The following SERGEF variants were observed in gnomAD, a reference collection of about 807,000 sequenced individuals.
SERGEF encodes the protein secretion regulating guanine nucleotide exchange factor, also known as secretion-regulating guanine nucleotide exchange factor.
Under a neutral mutation model 50.0 loss-of-function variants are expected in SERGEF, and 51 were observed. That is an observed-to-expected ratio of 1.02 (90% CI 0.81 to 1.29). SERGEF has a LOEUF of 1.29. SERGEF is among the 50% of genes most tolerant of loss of function. SERGEF has a pLI of 0.00. For missense variants in SERGEF, 521 were observed against 557.0 expected (o/e 0.94, Z 0.65); for synonymous variants, 205 against 212.4 (o/e 0.97, Z 0.30).
chr11:17,987,079 A>T (rs1853615590), intron 8 of SERGEF, among the ~76,000 whole-genome samples: 1 of 152,166 alleles, frequency 6.6e-6, no homozygotes, highest in Non-Finnish European at 1.5e-5. Context: ...TTTCTCCTCC[A>T]TTTCCCCAAG....
At chr11:17,963,181 C>CAAAAAAAA (rs1164488575) in intron 8 of SERGEF, among the ~76,000 whole-genome samples, 8 of 16,484 alleles carry the variant, frequency 4.9e-4, no homozygotes, top group Non-Finnish European at 6.0e-4. Flanking sequence ...GACTCTGTTT[C>CAAAAAAAA]AAAAAAAAAA....
chr11:17,814,912 C>T lies in SERGEF; in HGVS notation c.1049-26499G>A, dbSNP rs181858648. ...ACATAGTCTTCAGGATGGCTAGGTG[C>T]GCTCAGGCCTATAATCCTAGTGCTT... On this transcript the variant is annotated intron_variant, in intron 10 of 10. Transcript: ENST00000265965. 3.5e-3 allele frequency among the ~76,000 whole-genome samples: 529 copies of T among 152,234 alleles called. 7 individuals are homozygous for T. The highest frequency in any genetic ancestry group is 0.012 in the African/African-American group (497 of 41,548).
At chr11:18,006,474 C>A (rs1854077228) in intron 3 of SERGEF, 117 bp downstream of exon 3, 3 of 1,023,718 alleles carry the variant, frequency 2.9e-6, no homozygotes, top group South Asian at 1.6e-5. Flanking sequence ...CCGCACCAGG[C>A]CTTATGTGTG....
chr11:17,898,056 A>T (rs1356112722), intron 9 of SERGEF, among the ~76,000 whole-genome samples: 1 of 152,172 alleles, frequency 6.6e-6, no homozygotes, highest in Admixed American at 6.5e-5. Flanking sequence ...TGTCCCATTT[A>T]TAGAGGGGCC....
At position 17,816,550 on chromosome 11, in the gene SERGEF, C is replaced by T. The variant is rs542530776; in HGVS notation, c.1049-28137G>A. ...CTTATTGCCTCAAAGGCATGGCCTCCCAGAACAGTACTCCCCAACGTGTTT... is the reference window on the plus strand; with the variant it reads ...CTTATTGCCTCAAAGGCATGGCCTCTCAGAACAGTACTCCCCAACGTGTTT... On this transcript the variant is annotated intron_variant, in intron 10 of 10. Transcript: ENST00000265965. 3.0e-4 allele frequency among the ~76,000 whole-genome samples: 45 copies of T among 152,316 alleles called. No individual in the cohort carries two copies. The South Asian group carries it at 9.3e-3, about 32-fold the overall frequency.
At chr11:17,969,377 C>T (rs992518439) in intron 8 of SERGEF, among the ~76,000 whole-genome samples, 16 of 152,154 alleles carry the variant, frequency 1.1e-4, no homozygotes, top group African/African-American at 3.9e-4. Flanking sequence ...TTTTAAAATG[C>T]AGATTGCTGC....
At chr11:17,822,501 C>A (rs1850103386) in intron 10 of SERGEF, among the ~76,000 whole-genome samples, 1 of 152,208 alleles carries the variant, frequency 6.6e-6, no homozygotes, top group South Asian at 2.1e-4. Context: ...TGAAAAAGAA[C>A]TCCAAATGGG....
chr11:17,802,147 T>C (rs948788073), intron 10 of SERGEF, among the ~76,000 whole-genome samples: 3 of 152,142 alleles, frequency 2.0e-5, no homozygotes, highest in African/African-American at 7.2e-5. Context: ...AAGCAGGGTG[T>C]CAGCAGGAGC....
rs1044914981 is a variant in SERGEF at position 17,884,017 on chromosome 11, A to T, written c.1012-5773T>A. Among the ~76,000 whole-genome samples the T allele has an allele frequency of 2.0e-5, 3 of 152,154 alleles. No homozygotes were observed. The highest frequency in any genetic ancestry group is 2.9e-5 in the Non-Finnish European group (2 of 68,020). The stretch of plus-strand genomic sequence containing the variant: ...ACCAGAACTCAGGGTCAGGTACGCC[A>T]AGGAGAGGAAGTGAGGCGAGGCCAG... On this transcript the variant is annotated intron_variant, in intron 9 of 10. Transcript: ENST00000265965. The surrounding 1 kb of genome is among the most constrained non-coding windows in gnomAD (Gnocchi z 4.6).
At chr11:17,973,050 T>C (rs1313903569) in intron 8 of SERGEF, among the ~76,000 whole-genome samples, 2 of 150,654 alleles carry the variant, frequency 1.3e-5, no homozygotes, top group East Asian at 3.9e-4. Context: ...CAGCTGTTGA[T>C]GAGGCCGTGT....
intron 10 of SERGEF, chr11:17,874,119 C>T (rs1026393720): frequency 6.6e-6 from 1 of 152,368 alleles, no homozygotes; most frequent in Non-Finnish European, 1.5e-5. Context: ...GGAAAGAAAT[C>T]CTAGGTGGAA....
intron 9 of SERGEF, among the ~76,000 whole-genome samples, chr11:17,897,292 C>G (rs191148581): frequency 8.5e-5 from 13 of 152,332 alleles, no homozygotes; most frequent in Admixed American, 5.2e-4. Context: ...AGCTTAGAAG[C>G]TGATTCTTCC....
intron 8 of SERGEF, among the ~76,000 whole-genome samples, chr11:17,973,581 T>C (rs1393208016): frequency 2.6e-5 from 4 of 152,150 alleles, no homozygotes; most frequent in Non-Finnish European, 4.4e-5. Flanking sequence ...AGGATGCCAA[T>C]TTGTGGTCAA....
At chr11:17,860,762 C>T (rs1850911943) in intron 10 of SERGEF, among the ~76,000 whole-genome samples, 1 of 152,076 alleles carries the variant, frequency 6.6e-6, no homozygotes, top group Admixed American at 6.6e-5. Context: ...TTTTCTGAGC[C>T]TCATTTTCCT....
intron 9 of SERGEF, among the ~76,000 whole-genome samples, chr11:17,907,981 C>T (rs1565201348): frequency 2.6e-5 from 4 of 152,170 alleles, no homozygotes; most frequent in South Asian, 2.1e-4. Flanking sequence ...CCCTGATATT[C>T]TGAACCTATT....
chr11:17,870,700 C>G (rs59141013), intron 10 of SERGEF, among the ~76,000 whole-genome samples: 26,073 of 151,996 alleles, frequency 0.17, 2,494 homozygotes, highest in Middle Eastern at 0.26. Flanking sequence ...AGAGAAAATA[C>G]AAATAGTTCT....
At chr11:17,866,286 C>G (rs1851021712) in intron 10 of SERGEF, among the ~76,000 whole-genome samples, 1 of 152,174 alleles carries the variant, frequency 6.6e-6, no homozygotes, top group Non-Finnish European at 1.5e-5. Flanking sequence ...AGGAAGGCAG[C>G]CAAAGAACTC....
intron 10 of SERGEF, among the ~76,000 whole-genome samples, chr11:17,837,126 G>T (rs1245934565): frequency 6.6e-6 from 1 of 152,068 alleles, no homozygotes; most frequent in African/African-American, 2.4e-5. Context: ...TCCACCCACT[G>T]CCAGGTAATA....
At chr11:17,837,892 C>T (rs1048383710) in intron 10 of SERGEF, among the ~76,000 whole-genome samples, 9 of 152,006 alleles carry the variant, frequency 5.9e-5, no homozygotes, top group Admixed American at 3.3e-4. Flanking sequence ...GTCTTGAACT[C>T]GTGACCTTGT....
Sources: gnomAD v4.1 joint callset for allele counts (sites outside exome capture counted in the v4.1 genomes callset) on GRCh38, gnomAD v4.1.1 for gene constraint, Gnocchi (gnomAD v3.1) non-coding constraint, MANE v1.5 for transcripts, NCBI Gene and HGNC (gene_info 2026-07-23, HGNC 2026-07-21) for gene names.